PTPRD: variants seen among roughly 807,000 people sequenced by gnomAD.
PTPRD encodes receptor-type tyrosine-protein phosphatase delta.
PTPRD carries 34 observed loss-of-function variants against 214.5 expected under a neutral mutation model. That is an observed-to-expected ratio of 0.16 (90% confidence interval 0.12 to 0.21). The LOEUF (loss-of-function observed/expected upper bound fraction) is 0.21. Ranked by LOEUF, PTPRD falls within the 10% of genes least tolerant of loss-of-function variation. PTPRD has a pLI of 1.00. For synonymous variants in PTPRD, 1,128 were observed against 845.7 expected (o/e 1.33, Z -5.79); for missense variants, 2,545 against 2,398.7 (o/e 1.06, Z -1.27).
chr9:9,763,362 T>C (rs2098677565), intron 6 of PTPRD, among the ~76,000 whole-genome samples: 1 of 152,136 alleles, frequency 6.6e-6, no homozygotes, highest in Admixed American at 6.6e-5. Flanking sequence ...CATGACTGAG[T>C]ACCCATCCAT....
chr9:9,708,972 A>T (rs2097676918), intron 7 of PTPRD, among the ~76,000 whole-genome samples: 1 of 151,982 alleles, frequency 6.6e-6, no homozygotes, highest in African/African-American at 2.4e-5. Flanking sequence ...ATTATATAGC[A>T]TCAATTATAC....
At chr9:8,577,620 C>T (rs2092585050) in intron 14 of PTPRD, among the ~76,000 whole-genome samples, 2 of 152,168 alleles carry the variant, frequency 1.3e-5, no homozygotes, top group South Asian at 2.1e-4. Context: ...TCAAATCCTA[C>T]CTCCTTTTGA....
chr9:9,172,100 T>C (rs188641145), intron 10 of PTPRD, among the ~76,000 whole-genome samples: 2 of 152,260 alleles, frequency 1.3e-5, no homozygotes. Context: ...CTGCATATCT[T>C]AGTACACTAA....
intron 9 of PTPRD, among the ~76,000 whole-genome samples, chr9:9,337,171 T>C (rs1366324163): frequency 6.6e-6 from 1 of 152,056 alleles, no homozygotes; most frequent in Non-Finnish European, 1.5e-5. Flanking sequence ...ATGAAGTAAA[T>C]CAGAGATTGG....
At chr9:9,209,697 G>T (rs1021268219) in intron 9 of PTPRD, among the ~76,000 whole-genome samples, 1 of 152,074 alleles carries the variant, frequency 6.6e-6, no homozygotes, top group Admixed American at 6.5e-5. Context: ...GTGGGTGATG[G>T]CCTCAGAAAG....
intron 5 of PTPRD, among the ~76,000 whole-genome samples, chr9:9,915,526 A>C (rs533128886): frequency 5.9e-5 from 9 of 151,932 alleles, no homozygotes; most frequent in Non-Finnish European, 1.2e-4. Context: ...TTAAATAAAG[A>C]GATAGATATC....
At chr9:8,592,792 G>C (rs942264388) in intron 14 of PTPRD, among the ~76,000 whole-genome samples, 1 of 152,186 alleles carries the variant, frequency 6.6e-6, no homozygotes, top group Non-Finnish European at 1.5e-5. Flanking sequence ...ATAACATGCT[G>C]CGTGTTAATG....
At chr9:10,164,541 A>G (rs2099147572) in intron 3 of PTPRD, among the ~76,000 whole-genome samples, 1 of 151,618 alleles carries the variant, frequency 6.6e-6, no homozygotes, top group Non-Finnish European at 1.5e-5. Flanking sequence ...CTAGGACACT[A>G]ACTTCATATT....
rs181324956 is a variant in PTPRD at position 9,948,987 on chromosome 9, G to C, written c.-471-10377C>G. On this transcript the variant is annotated intron_variant, in intron 4 of 45. Transcript: ENST00000381196. ...AAACACTATATCTGATGCAATGTCA[G>C]CATGGGGGGGCCTAAGATTTCTGTG... 2.0e-5 allele frequency among the ~76,000 whole-genome samples: 3 copies of C among 150,572 alleles called. No homozygotes were observed. In the South Asian group the frequency reaches 6.4e-4, roughly 32 times the overall value.
Position 10,423,457 on chromosome 9 carries a change from A to T in PTPRD, c.-599-82440T>A, listed in dbSNP as rs998551354. On this transcript the variant is annotated intron_variant, in intron 2 of 45. Coordinates refer to ENST00000381196, the MANE Select transcript of PTPRD (RefSeq NM_002839.4). ...TACCCTAGAACTTAAAATATAATTT[A>T]AAAAAAGGAAGATTAATACAACTCA... Among the ~76,000 whole-genome samples, 8 of 151,938 alleles carry T rather than the reference A, an allele frequency of 5.3e-5. No homozygotes were observed. The East Asian group carries it at 5.8e-4, about 11-fold the overall frequency.
At chr9:9,131,602 A>G (rs2099842706) in intron 10 of PTPRD, among the ~76,000 whole-genome samples, 1 of 152,242 alleles carries the variant, frequency 6.6e-6, no homozygotes, top group Non-Finnish European at 1.5e-5. Flanking sequence ...AGAGAAGTAC[A>G]CATAGTAATA....
At chr9:8,677,364 T>C (rs1596687273) in intron 12 of PTPRD, among the ~76,000 whole-genome samples, 2 of 152,206 alleles carry the variant, frequency 1.3e-5, no homozygotes, top group Non-Finnish European at 2.9e-5. Flanking sequence ...ATAATGTCCT[T>C]TGCAGTAACA....
In PTPRD at chr9:8,556,639, T is replaced by G. The variant is rs534746511; in HGVS notation, c.353-27860A>C. 2.6e-5 allele frequency among the ~76,000 whole-genome samples: 4 copies of G among 152,312 alleles called. No individual in the cohort carries two copies. In the South Asian group the frequency reaches 8.3e-4, roughly 32 times the overall value. On this transcript the variant is annotated intron_variant, in intron 14 of 45. Transcript: ENST00000381196. ...TTTCTTTCCTATCCAAGGAGTCCACTTGCATATATACAAGGGTTTGCTATA... is the reference window on the plus strand; with the variant it reads ...TTTCTTTCCTATCCAAGGAGTCCACGTGCATATATACAAGGGTTTGCTATA...
In PTPRD at chr9:10,518,819, A is replaced by C. The variant is rs547139017; in HGVS notation, c.-600+93579T>G. Among the ~76,000 whole-genome samples, 4 of 150,774 alleles carry C rather than the reference A, an allele frequency of 2.7e-5. No homozygotes were observed. In the East Asian group the frequency reaches 7.8e-4, roughly 29 times the overall value. On this transcript the variant is annotated intron_variant, in intron 2 of 45. Transcript: ENST00000381196. ...AGTGCTGGGATTACAGGCGTGAGCCACCGCGCTCAGCCTTACATTGTTTTT... is the reference window on the plus strand; with the variant it reads ...AGTGCTGGGATTACAGGCGTGAGCCCCCGCGCTCAGCCTTACATTGTTTTT...
intron 3 of PTPRD, among the ~76,000 whole-genome samples, chr9:10,119,633 A>C (rs2098758939): frequency 6.6e-6 from 1 of 152,024 alleles, no homozygotes; most frequent in African/African-American, 2.4e-5. Context: ...TTGGATGATA[A>C]AGCTGGTTGT....
intron 2 of PTPRD, among the ~76,000 whole-genome samples, chr9:10,416,650 G>GT (rs1250939074): frequency 1.3e-5 from 2 of 151,620 alleles, no homozygotes; most frequent in East Asian, 2.0e-4. Flanking sequence ...GCAAAGGTGA[G>GT]TTTTTTTCTT....
At chr9:10,544,925 C>T (rs1289314671) in intron 2 of PTPRD, among the ~76,000 whole-genome samples, 1 of 152,122 alleles carries the variant, frequency 6.6e-6, no homozygotes, top group Non-Finnish European at 1.5e-5. Flanking sequence ...CCCGTACTTA[C>T]CTAGAAAAAC....
intron 11 of PTPRD, among the ~76,000 whole-genome samples, chr9:8,863,123 C>T (rs1433115078): frequency 6.6e-6 from 1 of 152,156 alleles, no homozygotes; most frequent in African/African-American, 2.4e-5. Context: ...AAAAGCCATA[C>T]CTCCTCCACT....
At chr9:8,548,375 G>T (rs2080924221) in intron 14 of PTPRD, among the ~76,000 whole-genome samples, 1 of 147,012 alleles carries the variant, frequency 6.8e-6, no homozygotes, top group Admixed American at 6.8e-5. Context: ...CTGGAATTTT[G>T]TTTTTTTTTT....
Sources: allele counts gnomAD v4.1 joint callset (sites outside exome capture counted in the v4.1 genomes callset), GRCh38; gene constraint gnomAD v4.1.1; transcripts MANE v1.5; gene names NCBI Gene and HGNC (gene_info 2026-07-23, HGNC 2026-07-21).